The following CEP112 variants were observed in gnomAD, a reference collection of about 807,000 sequenced individuals.
The protein encoded by CEP112 is centrosomal protein 112.
In CEP112, 127 loss-of-function variants were observed where a neutral mutation model predicts 153.0. The ratio of observed to expected loss-of-function variants is 0.83; its 90% CI spans 0.72 to 0.96. The LOEUF (loss-of-function observed/expected upper bound fraction) is 0.96, where lower values mean the gene tolerates loss of function less well. Ranked by LOEUF, CEP112 falls within the 40% of genes least tolerant of loss-of-function variation. The pLI, the probability that CEP112 is intolerant of heterozygous loss-of-function variation, is 0.00. For missense variants in CEP112, 1,089 were observed against 1,101.2 expected (o/e 0.99, Z 0.16); for synonymous variants, 358 against 374.4 (o/e 0.96, Z 0.51).
chr17:66,086,042 A>T (rs1484832490), intron 8 of CEP112, among the ~76,000 whole-genome samples: 1 of 151,976 alleles, frequency 6.6e-6, no homozygotes. Context: ...ATTTTACTTA[A>T]AAAGAAATAA....
chr17:65,845,115 T>C (rs538293050), intron 21 of CEP112, among the ~76,000 whole-genome samples: 29 of 151,408 alleles, frequency 1.9e-4, no homozygotes, highest in African/African-American at 6.5e-4. Context: ...AGGTCAGGAG[T>C]TCAAGACCAG....
chr17:65,659,890 G>A (rs895528517), intron 24 of CEP112, among the ~76,000 whole-genome samples: 4 of 152,158 alleles, frequency 2.6e-5, no homozygotes, highest in African/African-American at 7.2e-5. Context: ...AGATTTGACT[G>A]GGACATTGAA....
At chr17:66,128,913 G>T (rs116710327) in intron 6 of CEP112, among the ~76,000 whole-genome samples, 2,528 of 152,090 alleles carry the variant, frequency 0.017, 63 homozygotes, top group African/African-American at 0.057. Flanking sequence ...GGGAGGAAAA[G>T]ATATGTTATA....
At chr17:65,968,092 A>G (rs2062480775) in intron 17 of CEP112, among the ~76,000 whole-genome samples, 1 of 152,200 alleles carries the variant, frequency 6.6e-6, no homozygotes, top group Admixed American at 6.5e-5. Flanking sequence ...GTAGTATTAT[A>G]TCAGTATATA....
chr17:66,116,383 G>T (rs966124275), intron 6 of CEP112, among the ~76,000 whole-genome samples: 1 of 152,020 alleles, frequency 6.6e-6, no homozygotes, highest in Admixed American at 6.6e-5. Flanking sequence ...TGCTTTGGGG[G>T]AAATTTTGAT....
At chr17:65,996,300 T>C (rs1185896539) in intron 17 of CEP112, among the ~76,000 whole-genome samples, 1 of 151,332 alleles carries the variant, frequency 6.6e-6, no homozygotes, top group East Asian at 1.9e-4. Flanking sequence ...ATGCAGTATA[T>C]CCATGTAATA....
intron 16 of CEP112, among the ~76,000 whole-genome samples, chr17:66,024,895 A>T (rs535288852): frequency 1.3e-5 from 2 of 152,294 alleles, no homozygotes; most frequent in East Asian, 3.9e-4. Context: ...ACCTCAGATT[A>T]TACTACAAGG....
At chr17:65,798,683 G>A (rs547305117) in intron 21 of CEP112, among the ~76,000 whole-genome samples, 24 of 152,120 alleles carry the variant, frequency 1.6e-4, no homozygotes, top group African/African-American at 3.9e-4. Flanking sequence ...TACTATAATC[G>A]CAGAACAGAA....
intron 24 of CEP112, chr17:65,661,893 T>A (rs894447055): frequency 6.6e-6 from 1 of 152,024 alleles, no homozygotes; most frequent in African/African-American, 2.4e-5. Flanking sequence ...ACATCTATAT[T>A]TTTTTTACAC....
At chr17:66,035,327 CTT>C (rs954190806) in intron 12 of CEP112, among the ~76,000 whole-genome samples, 1 of 151,984 alleles carries the variant, frequency 6.6e-6, no homozygotes, top group African/African-American at 2.4e-5. Context: ...ACTGGCCAGT[CTT>C]TTTGAGGATA....
At chr17:65,927,503 T>G in intron 19 of CEP112, 79 bp downstream of exon 19, 1 of 751,824 alleles carries the variant, frequency 1.3e-6, no homozygotes, top group Admixed American at 2.6e-5. Flanking sequence ...ATGCAGATAT[T>G]TTGTGATAGT....
intron 8 of CEP112, among the ~76,000 whole-genome samples, chr17:66,086,664 T>C (rs1220923392): frequency 6.6e-6 from 1 of 151,986 alleles, no homozygotes. Context: ...CCTAAAGTGC[T>C]GGGATTACAG....
intron 20 of CEP112, among the ~76,000 whole-genome samples, chr17:65,866,484 A>G (rs909771810): frequency 9.9e-5 from 15 of 152,156 alleles, no homozygotes; most frequent in African/African-American, 3.4e-4. Flanking sequence ...GTGAAGCCCT[A>G]CCTTCAAGCC....
chr17:65,918,442 G>A (rs2060576022), intron 19 of CEP112, among the ~76,000 whole-genome samples: 1 of 152,060 alleles, frequency 6.6e-6, no homozygotes, highest in Non-Finnish European at 1.5e-5. Flanking sequence ...TGGCCCTTCA[G>A]TGTTTTTTGT....
At chr17:66,044,912 T>A (rs2066138278) in intron 12 of CEP112, among the ~76,000 whole-genome samples, 1 of 152,046 alleles carries the variant, frequency 6.6e-6, no homozygotes, top group Non-Finnish European at 1.5e-5. Context: ...TTTATTTGTA[T>A]CCTAAATATA....
At chr17:66,096,130 G>C (rs2068335786) in intron 8 of CEP112, 121 bp downstream of exon 8, 2 of 645,988 alleles carry the variant, frequency 3.1e-6, no homozygotes, top group Non-Finnish European at 5.2e-6. Flanking sequence ...TTTTATATTT[G>C]TTTCAAGTGC....
chr17:65,730,508 A>G (rs573598732), intron 23 of CEP112, among the ~76,000 whole-genome samples: 1 of 152,300 alleles, frequency 6.6e-6, no homozygotes, highest in South Asian at 2.1e-4. Context: ...AGCATTATTA[A>G]TTCTAATTCA....
chr17:65,989,318 C>T (rs1343200094), intron 17 of CEP112, among the ~76,000 whole-genome samples: 1 of 149,664 alleles, frequency 6.7e-6, no homozygotes, highest in African/African-American at 2.5e-5. Context: ...GGCCTATAAA[C>T]ATTGGGCACT....
intron 4 of CEP112, among the ~76,000 whole-genome samples, chr17:66,152,328 C>T (rs1483948393): frequency 1.3e-5 from 2 of 152,032 alleles, no homozygotes; most frequent in Non-Finnish European, 2.9e-5. Flanking sequence ...TTCAGTAACA[C>T]AAAAATTAGA....
Sources: allele counts gnomAD v4.1 joint callset (sites outside exome capture counted in the v4.1 genomes callset), GRCh38; gene constraint gnomAD v4.1.1; transcripts MANE v1.5; gene names NCBI Gene and HGNC (gene_info 2026-07-23, HGNC 2026-07-21).